PI4KB: variants seen among roughly 807,000 people sequenced by gnomAD.
The protein encoded by PI4KB is phosphatidylinositol 4-kinase beta, also known as PtdIns 4-kinase beta.
Under a neutral mutation model 81.4 loss-of-function variants are expected in PI4KB, and 23 were observed. The observed-to-expected ratio is 0.28, with a 90% confidence interval of 0.20 to 0.40. The LOEUF (loss-of-function observed/expected upper bound fraction) is 0.40, where lower values mean the gene tolerates loss of function less well. Ranked by LOEUF, PI4KB falls within the 10% of genes least tolerant of loss-of-function variation. The pLI is 1.00. For synonymous variants in PI4KB, 381 were observed against 406.8 expected (o/e 0.94, Z 0.76); for missense variants, 651 against 1,036.6 (o/e 0.63, Z 5.11).
chr1:151,293,926 A>C (rs1413439177), intron 11 of PI4KB, 92 bp downstream of exon 11: 2 of 1,435,204 alleles, frequency 1.4e-6, no homozygotes, highest in Non-Finnish European at 1.9e-6. Flanking sequence ...CCCTCAACCG[A>C]GTCTCGTGGG....
rs1285330940 is a variant in PI4KB, at chr1:151,312,583, C to T, written c.910-2328G>A. Among the ~76,000 whole-genome samples the T allele has an allele frequency of 2.0e-5, 3 of 152,300 alleles. 1 individual carries two copies. Among genetic ancestry groups the T allele is most frequent in the East Asian group, 1.9e-4 (1 of 5,176 alleles). On this transcript the variant is annotated intron_variant, in intron 2 of 11. Transcript: ENST00000368873. ...CCCCCGTCCTCCACAGCACAGCTCA[C>T]GGCTTTGGACATTGTACAAAGTCAA... is the stretch of plus-strand genomic sequence containing the variant.
intron 6 of PI4KB, among the ~76,000 whole-genome samples, chr1:151,302,691 C>T (rs1002169333): frequency 6.0e-5 from 9 of 151,012 alleles, no homozygotes; most frequent in African/African-American, 2.2e-4. Context: ...CATTCTCCTG[C>T]CTCAGCCTCC....
intron 11 of PI4KB, chr1:151,293,449 G>A: frequency 8.1e-7 from 1 of 1,233,058 alleles, no homozygotes; most frequent in South Asian, 1.5e-5. Flanking sequence ...ATGATCCTGA[G>A]CAACGGCGAC....
At chr1:151,294,232 G>C in intron 10 of PI4KB, 94 bp from the exon 11 acceptor site, 1 of 1,521,552 alleles carries the variant, frequency 6.6e-7, no homozygotes, top group Non-Finnish European at 8.8e-7. Context: ...CCTCCTCTTG[G>C]GGCCCTGTTA....
chr1:151,323,940 A>G (rs1649239424), intron 1 of PI4KB, among the ~76,000 whole-genome samples: 1 of 151,802 alleles, frequency 6.6e-6, no homozygotes, highest in African/African-American at 2.4e-5. Context: ...AAATGCATGC[A>G]TTCCTTCAAA....
At chr1:151,293,464 T>C in intron 11 of PI4KB, 1 of 1,193,946 alleles carries the variant, frequency 8.4e-7, no homozygotes, top group South Asian at 1.5e-5. Flanking sequence ...GGCGACAACC[T>C]GTGGGGTAGG....
At chr1:151,317,116 CACCTGGCCTACATTT>C (rs1648081864) in intron 1 of PI4KB, among the ~76,000 whole-genome samples, 1 of 151,416 alleles carries the variant, frequency 6.6e-6, no homozygotes, top group Admixed American at 6.6e-5. Flanking sequence ...TGAGCCACTG[CACCTGGCCTACATTT>C]ACAAATTCTT....
chr1:151,316,127 G>T lies in PI4KB; in HGVS notation c.355C>A (p.Arg119=), dbSNP rs201595401. 5 of 1,614,064 alleles carry T rather than the reference G, an allele frequency of 3.1e-6. No homozygotes were observed. In the African/African-American group the frequency reaches 4.0e-5, roughly 13 times the overall value. ...TGTTTAGCTGAGTTGTTCTGCCGCC[G>T]TCTTCTTGCTCCTTTGGCTGTGCCT... ...ASGTAKGARR[R]RQNNSAKQSW... is the part of the protein sequence containing the mutation. Residue 119 remains arginine (R), a synonymous_variant, in exon 2 of 12, where the codon CGG becomes AGG. Coordinates refer to ENST00000368873, the MANE Select transcript of PI4KB (RefSeq NM_001369623.2).
intron 1 of PI4KB, among the ~76,000 whole-genome samples, chr1:151,319,653 C>A (rs1648555462): frequency 6.6e-6 from 1 of 152,240 alleles, no homozygotes; most frequent in Non-Finnish European, 1.5e-5. Context: ...ACCAAAGCCA[C>A]TGCTCTCCAA....
At chr1:151,294,565 G>A (rs755242241) in intron 9 of PI4KB, 24 bp from the exon 10 acceptor site, 2 of 1,613,320 alleles carry the variant, frequency 1.2e-6, no homozygotes, top group Non-Finnish European at 8.5e-7. Context: ...ATAGAGGAGA[G>A]GAAGAGGCAG....
chr1:151,303,521 G>C lies in PI4KB; in HGVS notation c.1520+20C>G. 1 of 1,413,886 alleles carries C rather than the reference G, an allele frequency of 7.1e-7. No homozygotes were observed. Among genetic ancestry groups the C allele is most frequent in the African/African-American group, 1.4e-5 (1 of 71,108 alleles). 87.6% of individuals were successfully genotyped at this position (1,413,886 alleles called of 1,614,324 possible). A position where few individuals can be genotyped will look rare whatever the true frequency, so the allele number is the denominator to read the frequency against. On this transcript the variant is annotated intron_variant, in intron 6 of 11. Coordinates refer to ENST00000368873, the MANE Select transcript of PI4KB (RefSeq NM_001369623.2). ...CTGAAAGAGGGATGAAAAATGAGGG[G>C]CAATGTGATCTGGCCATACCGGATG... is the stretch of plus-strand genomic sequence containing the variant.
At chr1:151,324,320 G>C (rs1451818431) in intron 1 of PI4KB, among the ~76,000 whole-genome samples, 2 of 152,164 alleles carry the variant, frequency 1.3e-5, no homozygotes, top group African/African-American at 4.8e-5. Flanking sequence ...ATCTTTGACT[G>C]CCTGTTCTGC....
chr1:151,307,056 T>G (rs912988286), intron 4 of PI4KB, among the ~76,000 whole-genome samples: 1 of 151,922 alleles, frequency 6.6e-6, no homozygotes, highest in East Asian at 1.9e-4. Context: ...GCCTCCGCAA[T>G]AGAGTGAGAC....
At chr1:151,294,257 A>G in intron 10 of PI4KB, 119 bp from the exon 11 acceptor site, 1 of 1,480,442 alleles carries the variant, frequency 6.8e-7, no homozygotes. Context: ...CCCCTTCCTT[A>G]TTGGGCAGGA....
Position 151,306,123 on chromosome 1 carries a change from G to A in PI4KB, c.1410+13C>T. 6.2e-7 allele frequency: 1 copy of A among 1,603,312 alleles called. No homozygotes were observed. The highest frequency in any genetic ancestry group is 1.3e-5 in the African/African-American group (1 of 74,800). ...TCCTGTGACCCAGCATTACCTCCCT[G>A]AAGCCCTCTCACCTCCACTTGCAGC... On this transcript the variant is annotated intron_variant, in intron 5 of 11. Transcript: ENST00000368873.
chr1:151,324,871 G>T, intron 1 of PI4KB: 1 of 985,228 alleles, frequency 1.0e-6, no homozygotes, highest in Non-Finnish European at 1.2e-6. Context: ...ATCTCAATTT[G>T]CTGCTTTGGA....
intron 11 of PI4KB, chr1:151,293,676 T>G (rs1224096445): frequency 3.2e-6 from 1 of 312,314 alleles, no homozygotes; most frequent in Non-Finnish European, 6.1e-6. Context: ...GAGGTCATAG[T>G]GGAATGGAGA....
At chr1:151,294,234 GC>G (rs2101903378) in intron 10 of PI4KB, 96 bp from the exon 11 acceptor site, 2 of 1,514,648 alleles carry the variant, frequency 1.3e-6, no homozygotes, top group Admixed American at 2.0e-5. Context: ...TCCTCTTGGG[GC>G]CCTGTTATTT....
chr1:151,298,158 T>C (rs1206250780), intron 9 of PI4KB, among the ~76,000 whole-genome samples: 1 of 152,262 alleles, frequency 6.6e-6, no homozygotes, highest in African/African-American at 2.4e-5. Context: ...AATCATATGC[T>C]GGAATAAGAA....
Sources: gnomAD v4.1 joint callset for allele counts (sites outside exome capture counted in the v4.1 genomes callset) on GRCh38, gnomAD v4.1.1 for gene constraint, MANE v1.5 for transcripts, NCBI Gene and HGNC (gene_info 2026-07-23, HGNC 2026-07-21) for gene names.